Variants in OTOF observed in about 807,000 individuals in gnomAD.
OTOF encodes fer-1-like family member 2.
Under a neutral mutation model 236.8 loss-of-function variants are expected in OTOF, and 218 were observed. That is an observed-to-expected ratio of 0.92 (90% CI 0.82 to 1.03). The LOEUF is 1.03. Ranked by LOEUF, OTOF falls within the 50% of genes least tolerant of loss-of-function variation. The pLI, the probability that OTOF is intolerant of heterozygous loss-of-function variation, is 0.00. For missense variants in OTOF, 2,590 were observed against 2,694.4 expected (o/e 0.96, Z 0.86); for synonymous variants, 1,041 against 1,072.5 (o/e 0.97, Z 0.57).
At chr2:26,526,819 G>A (rs559085490) in intron 3 of OTOF, among the ~76,000 whole-genome samples, 15 of 152,268 alleles carry the variant, frequency 9.9e-5, no homozygotes, top group Admixed American at 4.6e-4. Context: ...TCTTGGACAT[G>A]TTACAGTTAA....
rs1665334269 is a variant in OTOF, at chr2:26,477,007, T to A, written c.2560A>T (p.Met854Leu). The A allele has an allele frequency of 6.2e-7, 1 of 1,609,718 alleles. No homozygotes were observed. The part of the protein sequence containing the change: ...HSIPDIFIWM[M>L]SNNKRVAYAR... ...TAGGCGACACGCTTGTTGTTGCTCATCATCCAGATGAAGATGTCGGGAATG... is the reference window on the plus strand; with the variant it reads ...TAGGCGACACGCTTGTTGTTGCTCAACATCCAGATGAAGATGTCGGGAATG... The change falls in exon 22 of 47, where the codon ATG becomes TTG. Residue 854 changes from methionine (M) to leucine (L), a missense_variant. Physicochemically the swap from Met to Leu is conservative, Grantham distance 15 (BLOSUM62 2). This residue lies in a region of OTOF where 1,379 missense variants were observed against 1,341.6 expected (regional missense o/e 1.03). Coordinates refer to ENST00000272371, the MANE Select transcript of OTOF (RefSeq NM_194248.3). The surrounding 1 kb of genome is among the most constrained non-coding windows in gnomAD (Gnocchi z 4.7).
rs1664504864 is a variant in OTOF at position 26,462,303 on chromosome 2, C to A, written c.5193-122G>T. 2.3e-6 allele frequency: 2 copies of A among 857,734 alleles called. No individual in the cohort carries two copies. Among genetic ancestry groups the A allele is most frequent in the Non-Finnish European group, 4.0e-6 (2 of 506,188 alleles). 53.1% of individuals were successfully genotyped at this position (857,734 alleles called of 1,614,324 possible). A position where few individuals can be genotyped will look rare whatever the true frequency, so the allele number is the denominator to read the frequency against. On this transcript the variant is annotated intron_variant, in intron 41 of 46. Coordinates refer to ENST00000272371, the MANE Select transcript of OTOF (RefSeq NM_194248.3). This position sits in a 1 kb window ranked among gnomAD's most constrained non-coding sequence, Gnocchi z 4.7. ...TCTTGGGGTCAGCACAGGGCCTGGGCCAGGCTGGGGCTGGAGGAGTGGTTT... is the reference window on the plus strand; with the variant it reads ...TCTTGGGGTCAGCACAGGGCCTGGGACAGGCTGGGGCTGGAGGAGTGGTTT...
chr2:26,485,085 T>G (rs1307845826), intron 11 of OTOF, among the ~76,000 whole-genome samples: 2 of 152,192 alleles, frequency 1.3e-5, no homozygotes, highest in Non-Finnish European at 2.9e-5. Context: ...GCCTGCAGGC[T>G]CCTGATTTAG....
At chr2:26,495,123 A>G in intron 8 of OTOF, 50 bp from the exon 9 acceptor site, 1 of 1,610,826 alleles carries the variant, frequency 6.2e-7, no homozygotes, top group Non-Finnish European at 8.5e-7. Context: ...TGAGCCTAGG[A>G]GCCTGGTCCC....
At chr2:26,496,513 TG>T (rs1182584867) in intron 8 of OTOF, among the ~76,000 whole-genome samples, 2 of 152,080 alleles carry the variant, frequency 1.3e-5, no homozygotes, top group African/African-American at 4.8e-5. Context: ...GTGCTGGGAA[TG>T]CAGGCACGAG....
In OTOF at chr2:26,516,556, G is replaced by A. The variant is rs779804500; in HGVS notation, c.371C>T (p.Thr124Ile). The change falls in exon 5 of 47, where the codon ACA (threonine) becomes ATA (isoleucine). Residue 124 changes from threonine to isoleucine, a missense_variant. By Grantham distance (89) the Thr-to-Ile change is moderately conservative. Coordinates refer to ENST00000272371, the MANE Select transcript of OTOF (RefSeq NM_194248.3). ...GTCCCCATCGTCCCAGGAGCCCACTGTGCCGTCAGTGGCCTGATACCGGAC... is the reference window on the plus strand; with the variant it reads ...GTCCCCATCGTCCCAGGAGCCCACTATGCCGTCAGTGGCCTGATACCGGAC... ...VEVRYQATDGTVGSWDDGDFL... is the reference protein window; with the variant it reads ...VEVRYQATDGIVGSWDDGDFL... 2 of 1,610,696 alleles carry A rather than the reference G, an allele frequency of 1.2e-6. No individual in the cohort carries two copies. Among genetic ancestry groups the A allele is most frequent in the Non-Finnish European group, 1.7e-6 (2 of 1,179,994 alleles).
intron 1 of OTOF, among the ~76,000 whole-genome samples, chr2:26,544,321 C>A (rs1667278855): frequency 6.6e-6 from 1 of 152,168 alleles, no homozygotes; most frequent in South Asian, 2.1e-4. Context: ...TCCACATGTT[C>A]TCTCATGTCC....
In OTOF at chr2:26,470,825, C is replaced by T. The variant is rs1664940669; in HGVS notation, c.3895-104G>A. On this transcript the variant is annotated intron_variant, in intron 31 of 46. Transcript: ENST00000272371. This position sits in a 1 kb window ranked among gnomAD's most constrained non-coding sequence, Gnocchi z 4.3. ...ATCTGTCAGCAGGAAGCCTTGGGCT[C>T]CATGAGGCTCTGTGGGGCCACCCAT... 1 of 1,547,522 alleles carries T rather than the reference C, an allele frequency of 6.5e-7. No individual in the cohort carries two copies. The highest frequency in any genetic ancestry group is 1.9e-5 in the Admixed American group (1 of 51,724).
At chr2:26,516,655 C>G (rs916310280) in intron 4 of OTOF, 56 bp from the exon 5 acceptor site, 20 of 1,567,432 alleles carry the variant, frequency 1.3e-5, no homozygotes, top group Non-Finnish European at 1.6e-5. Context: ...ATCTCCACCC[C>G]GTATATGTGG....
chr2:26,541,307 C>T (rs561318599), intron 1 of OTOF, among the ~76,000 whole-genome samples: 1 of 152,256 alleles, frequency 6.6e-6, no homozygotes, highest in Admixed American at 6.5e-5. Context: ...TCAGCCATTG[C>T]AGAATTTATA....
At chr2:26,547,356 T>A (rs1285634625) in intron 1 of OTOF, among the ~76,000 whole-genome samples, 1 of 152,232 alleles carries the variant, frequency 6.6e-6, no homozygotes, top group Non-Finnish European at 1.5e-5. Context: ...CATATATTGC[T>A]ATTCAGTTGG....
At chr2:26,481,889 G>T (rs1665549727) in intron 14 of OTOF, among the ~76,000 whole-genome samples, 1 of 152,102 alleles carries the variant, frequency 6.6e-6, no homozygotes, top group African/African-American at 2.4e-5. Context: ...CCATTTGGTA[G>T]CACATCTATC....
Position 26,477,671 on chromosome 2 carries a change from C to T in OTOF, c.2293G>A (p.Glu765Lys). ...YPERRLRGVL[E>K]ELSCGCCRFL... is the part of the protein sequence containing the mutation. ...CACCAGCAGCCACAGCTCAGCTCCT[C>T]CAGGACGCCCCGCAGGCGACGCTCA... Residue 765 changes from glutamate (E) to lysine (K), a missense_variant, in exon 19 of 47, where the codon GAG (glutamate) becomes AAG (lysine). Transcript: ENST00000272371. This position sits in a 1 kb window ranked among gnomAD's most constrained non-coding sequence, Gnocchi z 4.7. The T allele has an allele frequency of 6.2e-7, 1 of 1,612,564 alleles. No individual in the cohort carries two copies. Among genetic ancestry groups the T allele is most frequent in the African/African-American group, 1.3e-5 (1 of 75,064 alleles).
chr2:26,468,370 G>A (rs779559344), intron 33 of OTOF, 38 bp downstream of exon 33: 7 of 1,530,112 alleles, frequency 4.6e-6, no homozygotes, highest in African/African-American at 2.7e-5. Context: ...ACCCAGGGGC[G>A]GGGAGGAGGA....
At chr2:26,494,660 G>GC (rs1052825842) in intron 9 of OTOF, among the ~76,000 whole-genome samples, 2 of 136,552 alleles carry the variant, frequency 1.5e-5, no homozygotes, top group African/African-American at 5.2e-5. Context: ...GTGGGGTGGG[G>GC]GGGGGTTCTT....
At position 26,465,038 on chromosome 2, in the gene OTOF, G is replaced by A. The variant is rs1259385110; in HGVS notation, c.4800-9C>T. 6.8e-7 allele frequency: 1 copy of A among 1,468,222 alleles called. No individual in the cohort carries two copies. Among genetic ancestry groups the A allele is most frequent in the Non-Finnish European group, 9.1e-7 (1 of 1,103,348 alleles). 90.9% of individuals were successfully genotyped at this position (1,468,222 alleles called of 1,614,324 possible). Reference sequence around the variant, plus strand: ...AGATATTGTAGCCATGTCTGTGGGAGGGGACACACAGGCTTGGAGGGGCTG... The same window carrying A: ...AGATATTGTAGCCATGTCTGTGGGAAGGGACACACAGGCTTGGAGGGGCTG... On this transcript the variant is annotated splice_polypyrimidine_tract_variant and intron_variant, in intron 38 of 46. Coordinates refer to ENST00000272371, the MANE Select transcript of OTOF (RefSeq NM_194248.3).
Position 26,460,763 on chromosome 2 carries a change from A to T in OTOF, c.5713-16T>A, listed in dbSNP as rs2148017878. ...CCACCTTGCCCTGCAGAGGACAGAC[A>T]GGTCCCAGCGTCCAGGCTGCGTGCT... On this transcript the variant is annotated splice_polypyrimidine_tract_variant and intron_variant, in intron 44 of 46. Transcript: ENST00000272371. This position sits in a 1 kb window ranked among gnomAD's most constrained non-coding sequence, Gnocchi z 5.3. 6.2e-7 allele frequency: 1 copy of T among 1,613,708 alleles called. No homozygotes were observed. Among genetic ancestry groups the T allele is most frequent in the Non-Finnish European group, 8.5e-7 (1 of 1,179,700 alleles).
At position 26,483,518 on chromosome 2, in the gene OTOF, C is replaced by T. The variant is rs146086924; in HGVS notation, c.1336G>A (p.Gly446Ser). ...LMANVKKAFI[G>S]ENKDLVDPYV... ...GGGTCCACGAGGTCCTTGTTTTCAC[C>T]GATGAAAGCCTTCTTTACATTGGCC... The change falls in exon 13 of 47, where the codon GGT (glycine) becomes AGT (serine). Residue 446 changes from glycine to serine, a missense_variant. Physicochemically the swap from Gly to Ser is moderately conservative, Grantham distance 56 (BLOSUM62 0). This residue lies in a region of OTOF where 1,379 missense variants were observed against 1,341.6 expected (regional missense o/e 1.03). Transcript: ENST00000272371. 20 of 1,613,880 alleles carry T rather than the reference C, an allele frequency of 1.2e-5. No individual in the cohort carries two copies. The highest frequency in any genetic ancestry group is 3.3e-5 in the Admixed American group (2 of 60,004).
Position 26,477,296 on chromosome 2 carries a change from G to A in OTOF, c.2407-8C>T. ...CTGCTGCCCCATGTTTTCCTGCGAA[G>A]GAGGGGGTGTCAGTGAACCCAGCAA... On this transcript the variant is annotated splice_polypyrimidine_tract_variant and splice_region_variant and intron_variant, in intron 20 of 46. Transcript: ENST00000272371. The surrounding 1 kb of genome is among the most constrained non-coding windows in gnomAD (Gnocchi z 4.7). The A allele has an allele frequency of 6.2e-7, 1 of 1,608,646 alleles. No homozygotes were observed. The highest frequency in any genetic ancestry group is 8.5e-7 in the Non-Finnish European group (1 of 1,178,290).
Sources: gnomAD v4.1 joint callset for allele counts (sites outside exome capture counted in the v4.1 genomes callset) on GRCh38, gnomAD v4.1.1 for gene constraint, gnomAD v4.1.1 regional missense constraint, Gnocchi (gnomAD v3.1) non-coding constraint, MANE v1.5 for transcripts, NCBI Gene and HGNC (gene_info 2026-07-23, HGNC 2026-07-21) for gene names.